Variants in SLC4A4 observed in about 807,000 individuals in gnomAD.
The protein encoded by SLC4A4 is solute carrier family 4 member 4.
SLC4A4 carries 27 observed loss-of-function variants against 111.5 expected under a neutral mutation model. The ratio of observed to expected loss-of-function variants is 0.24; its 90% CI spans 0.18 to 0.33. The LOEUF is 0.33. Ranked by LOEUF, SLC4A4 falls within the 10% of genes least tolerant of loss-of-function variation. The pLI, the probability that SLC4A4 is intolerant of heterozygous loss-of-function variation, is 1.00. For missense variants in SLC4A4, 909 were observed against 1,315.5 expected, an observed-to-expected ratio of 0.69 and a Z score of 4.78; for synonymous variants, 443 against 463.4, an observed-to-expected ratio of 0.96 and a Z score of 0.57.
At chr4:71,532,951 G>T (rs557919469) in intron 17 of SLC4A4, among the ~76,000 whole-genome samples, 9 of 152,110 alleles carry the variant, frequency 5.9e-5, no homozygotes, top group Admixed American at 5.9e-4. Flanking sequence ...CGAACCTATT[G>T]ATATGTGTAG....
chr4:71,537,450 TAG>T (rs1560599847), intron 18 of SLC4A4, among the ~76,000 whole-genome samples: 2 of 147,266 alleles, frequency 1.4e-5, no homozygotes, highest in Admixed American at 6.9e-5. Context: ...TGTGTATATA[TAG>T]AGAGAGAGAG....
intron 2 of SLC4A4, among the ~76,000 whole-genome samples, chr4:71,133,476 T>C (rs1743763718): frequency 6.6e-6 from 1 of 152,150 alleles, no homozygotes; most frequent in Non-Finnish European, 1.5e-5. Flanking sequence ...CAAGGGTGCC[T>C]TGGTTGGCAG....
At position 71,387,186 on chromosome 4, in the gene SLC4A4, G is replaced by A. The variant is rs372341200; in HGVS notation, c.731-10391G>A. On this transcript the variant is annotated intron_variant, in intron 6 of 25. Coordinates refer to ENST00000264485, the MANE Select transcript of SLC4A4 (RefSeq NM_001098484.3). ...GTGAGTTTCTTCAGAGTTTTGCAGG[G>A]AAGATGTTCTCTTTTTTAACTCCAT... Among the ~76,000 whole-genome samples the A allele has an allele frequency of 4.3e-4, 66 of 152,252 alleles. 2 individuals carry two copies. The South Asian group carries it at 0.012, about 27-fold the overall frequency.
intron 1 of SLC4A4, among the ~76,000 whole-genome samples, chr4:71,230,616 A>G (rs1389980951): frequency 2.0e-5 from 3 of 152,226 alleles, no homozygotes; most frequent in Non-Finnish European, 2.9e-5. Flanking sequence ...AACCAGTGAT[A>G]TTAAACTCTG....
At chr4:71,495,192 G>A (rs1385102522) in intron 15 of SLC4A4, among the ~76,000 whole-genome samples, 1 of 152,018 alleles carries the variant, frequency 6.6e-6, no homozygotes, top group Non-Finnish European at 1.5e-5. Context: ...GTCATTTCAT[G>A]TACATCTGTA....
rs114174283 is a variant in SLC4A4, at chr4:71,066,411, G to T, written c.-65+3623G>T. Among the ~76,000 whole-genome samples, 1,121 of 152,172 alleles carry T rather than the reference G, an allele frequency of 7.4e-3. 14 individuals are homozygous for T. The highest frequency in any genetic ancestry group is 0.025 in the African/African-American group (1,057 of 41,502). On this transcript the variant is annotated intron_variant, in intron 1 of 26. Coordinates refer to the SLC4A4 transcript ENST00000649996. ...TGGCAAAGCTATGACTTTCAAATTT[G>T]ATATTCTGGTTCAAGGTGCATTCCC...
chr4:71,378,105 C>T (rs774890910), intron 6 of SLC4A4, among the ~76,000 whole-genome samples: 3 of 152,098 alleles, frequency 2.0e-5, no homozygotes, highest in Admixed American at 6.5e-5. Flanking sequence ...GGGTACCTCC[C>T]ACAACACATG....
At position 71,527,403 on chromosome 4, in the gene SLC4A4, G is replaced by A. The variant is rs117642717; in HGVS notation, c.2167-4659G>A. ...AAGAAAGAAGAGTTGAGTATATTCC[G>A]AAGTTTTAGGTCTGAGCAATGGGGA... On this transcript the variant is annotated intron_variant, in intron 16 of 25. Coordinates refer to ENST00000264485, the MANE Select transcript of SLC4A4 (RefSeq NM_001098484.3). Among the ~76,000 whole-genome samples, 149 of 152,180 alleles carry A rather than the reference G, an allele frequency of 9.8e-4. 1 individual carries two copies. The East Asian group carries it at 0.028, about 28-fold the overall frequency.
chr4:71,093,792 G>A (rs76988637), intron 2 of SLC4A4, among the ~76,000 whole-genome samples: 1 of 152,048 alleles, frequency 6.6e-6, no homozygotes, highest in Non-Finnish European at 1.5e-5. Flanking sequence ...GTCTTACAAT[G>A]GTGGGTCATT....
At chr4:71,110,875 G>A (rs1306716520) in intron 2 of SLC4A4, among the ~76,000 whole-genome samples, 2 of 152,156 alleles carry the variant, frequency 1.3e-5, no homozygotes, top group African/African-American at 2.4e-5. Flanking sequence ...TAATAAAGAT[G>A]TTTACCTACA....
intron 6 of SLC4A4, among the ~76,000 whole-genome samples, chr4:71,386,299 T>C (rs1435319115): frequency 6.6e-6 from 1 of 152,146 alleles, no homozygotes; most frequent in East Asian, 1.9e-4. Context: ...TTTTTTGGTT[T>C]ATTTTATTTT....
At chr4:71,146,104 T>A (rs1300699327) in intron 2 of SLC4A4, among the ~76,000 whole-genome samples, 1 of 152,246 alleles carries the variant, frequency 6.6e-6, no homozygotes, top group Non-Finnish European at 1.5e-5. Context: ...AATTTTCCTC[T>A]ACACACCGCT....
At chr4:71,116,735 C>T (rs749020530) in intron 2 of SLC4A4, among the ~76,000 whole-genome samples, 16 of 152,034 alleles carry the variant, frequency 1.1e-4, no homozygotes, top group South Asian at 2.1e-4. Flanking sequence ...CCTGAGGTTG[C>T]GAGTTCGAGA....
At chr4:71,281,258 T>C (rs1723490833) in intron 3 of SLC4A4, among the ~76,000 whole-genome samples, 2 of 152,210 alleles carry the variant, frequency 1.3e-5, no homozygotes, top group Non-Finnish European at 2.9e-5. Flanking sequence ...CATTCAACGC[T>C]CTGCTTAAGG....
At chr4:71,497,140 C>T (rs1730486137) in intron 15 of SLC4A4, among the ~76,000 whole-genome samples, 1 of 151,960 alleles carries the variant, frequency 6.6e-6, no homozygotes, top group Admixed American at 6.6e-5. Flanking sequence ...AAAAGGGAAC[C>T]GTTTTAGAGA....
intron 3 of SLC4A4, among the ~76,000 whole-genome samples, chr4:71,284,181 C>A (rs1294659198): frequency 1.3e-5 from 2 of 152,186 alleles, no homozygotes; most frequent in African/African-American, 4.8e-5. Flanking sequence ...ATTTTATACT[C>A]TTTGCCAGAT....
rs541922251 is a variant in SLC4A4 at position 71,452,734 on chromosome 4, A to G, written c.1323-761A>G. The stretch of plus-strand genomic sequence containing the variant: ...CTGACCTGCTGACATTTGTCATGGG[A>G]CTCAGCTGCATTTCCTCCCATCACA... On this transcript the variant is annotated intron_variant, in intron 11 of 25. Coordinates refer to ENST00000264485, the MANE Select transcript of SLC4A4 (RefSeq NM_001098484.3). Among the ~76,000 whole-genome samples, 7 of 152,064 alleles carry G rather than the reference A, an allele frequency of 4.6e-5. No individual in the cohort carries two copies. In the South Asian group the frequency reaches 1.5e-3, roughly 32 times the overall value.
intron 2 of SLC4A4, among the ~76,000 whole-genome samples, chr4:71,179,458 A>G (rs1355738002): frequency 6.6e-6 from 1 of 152,192 alleles, no homozygotes; most frequent in Non-Finnish European, 1.5e-5. Flanking sequence ...AGAAAACCCC[A>G]TCGTCTCAGC....
At chr4:71,293,839 C>T (rs770983847) in intron 3 of SLC4A4, among the ~76,000 whole-genome samples, 2 of 152,154 alleles carry the variant, frequency 1.3e-5, no homozygotes, top group South Asian at 2.1e-4. Flanking sequence ...CAACTTATAA[C>T]GTATCGCTGT....
Sources: allele counts gnomAD v4.1 joint callset (sites outside exome capture counted in the v4.1 genomes callset), GRCh38; gene constraint gnomAD v4.1.1; transcripts MANE v1.5; gene names NCBI Gene and HGNC (gene_info 2026-07-23, HGNC 2026-07-21).